TNIP1: variants seen among roughly 807,000 people sequenced by gnomAD.
TNIP1 encodes the protein TNFAIP3-interacting protein 1.
In TNIP1, 22 loss-of-function variants were observed where a neutral mutation model predicts 86.6. The ratio of observed to expected loss-of-function variants is 0.25; its 90% CI spans 0.18 to 0.36. The LOEUF is 0.36. Ranked by LOEUF, TNIP1 falls within the 10% of genes least tolerant of loss-of-function variation. The pLI, the probability that TNIP1 is intolerant of heterozygous loss-of-function variation, is 1.00. For missense variants in TNIP1, 709 were observed against 820.6 expected (o/e 0.86, Z 1.66); for synonymous variants, 294 against 313.0 (o/e 0.94, Z 0.64).
At chr5:151,058,915 C>T (rs568829358) in intron 5 of TNIP1, among the ~76,000 whole-genome samples, 22 of 152,210 alleles carry the variant, frequency 1.4e-4, no homozygotes, top group Non-Finnish European at 3.1e-4. Flanking sequence ...TGACTATAAC[C>T]CCAACTTGGC....
chr5:151,044,647 A>G (rs372736593), intron 9 of TNIP1, among the ~76,000 whole-genome samples: 108 of 152,362 alleles, frequency 7.1e-4, no homozygotes, highest in African/African-American at 2.5e-3. Context: ...AGGCAGGCTC[A>G]GGGTTCTAGA....
intron 1 of TNIP1, among the ~76,000 whole-genome samples, chr5:151,069,786 G>A (rs1161692096): frequency 6.6e-6 from 1 of 152,168 alleles, no homozygotes; most frequent in African/African-American, 2.4e-5. Flanking sequence ...CTACTCTGCT[G>A]TGTATGGAAC....
At chr5:151,060,190 C>T (rs1761368865) in intron 5 of TNIP1, 128 bp downstream of exon 5, 4 of 915,790 alleles carry the variant, frequency 4.4e-6, no homozygotes, top group South Asian at 2.9e-5. Flanking sequence ...TCCTGCCCCT[C>T]GTGTATCCCC....
intron 2 of TNIP1, 28 bp downstream of exon 2, chr5:151,064,932 C>A (rs1199275440): frequency 6.2e-7 from 1 of 1,613,396 alleles, no homozygotes; most frequent in South Asian, 1.1e-5. Context: ...GAGGGGCGCT[C>A]GCAGGGAGGG....
chr5:151,082,579 C>G (rs10463313), upstream of TNIP1, among the ~76,000 whole-genome samples: 5,808 of 152,238 alleles, frequency 0.038, 268 homozygotes, highest in East Asian at 0.15. Flanking sequence ...ACCCTCTACC[C>G]ACTGAAAACT....
chr5:151,073,376 C>T (rs925021984), intron 1 of TNIP1, among the ~76,000 whole-genome samples: 3 of 152,092 alleles, frequency 2.0e-5, no homozygotes, highest in Admixed American at 6.6e-5. Flanking sequence ...CTGCCACATG[C>T]TTTGTAATAG....
At chr5:151,062,281 G>A (rs1276413510) in intron 3 of TNIP1, 69 bp from the exon 4 acceptor site, 1 of 1,396,752 alleles carries the variant, frequency 7.2e-7, no homozygotes, top group African/African-American at 1.4e-5. Flanking sequence ...CCCTCTCAAG[G>A]ACAGCCCTTG....
intron 16 of TNIP1, among the ~76,000 whole-genome samples, chr5:151,033,127 C>A (rs1235191637): frequency 2.5e-3 from 194 of 78,712 alleles, no homozygotes; most frequent in Middle Eastern, 0.011. Flanking sequence ...AATTCCATCT[C>A]AAAAAAAAAA....
At chr5:151,050,205 C>T (rs1199837889) in intron 7 of TNIP1, among the ~76,000 whole-genome samples, 1 of 152,208 alleles carries the variant, frequency 6.6e-6, no homozygotes. Context: ...CGGATATATC[C>T]AAACACTGCA....
chr5:151,067,101 G>A (rs1762325001), intron 1 of TNIP1, among the ~76,000 whole-genome samples: 1 of 152,236 alleles, frequency 6.6e-6, no homozygotes, highest in Non-Finnish European at 1.5e-5. Flanking sequence ...GCAAAGGACA[G>A]CTACCCACAC....
intron 15 of TNIP1, among the ~76,000 whole-genome samples, chr5:151,034,257 TACATGGGC>T (rs1284028488): frequency 8.4e-6 from 1 of 118,708 alleles, no homozygotes; most frequent in Non-Finnish European, 1.7e-5. Flanking sequence ...GGAAAGCTAG[TACATGGGC>T]ACAGAAGGCT....
In TNIP1 at chr5:151,030,008, G is replaced by A; in HGVS notation, c.*705C>T. ...GCAAATAGCTATCCAGGGATGGACA[G>A]CCACCCTAATCTGGGCTTCTGGCAC... On this transcript the variant is annotated 3_prime_UTR_variant, in exon 18 of 18. Coordinates refer to ENST00000521591, the MANE Select transcript of TNIP1 (RefSeq NM_006058.5). 1 of 452,790 alleles carries A rather than the reference G, an allele frequency of 2.2e-6. No individual in the cohort carries two copies. The highest frequency in any genetic ancestry group is 2.4e-5 in the Admixed American group (1 of 42,454). The allele number at this position is 452,790 out of a possible 1,614,324, so 28.0% of individuals were successfully genotyped here. A position where few individuals can be genotyped will look rare whatever the true frequency, so the allele number is the denominator to read the frequency against.
chr5:151,067,282 G>A (rs1233410021), intron 1 of TNIP1, among the ~76,000 whole-genome samples: 1 of 152,286 alleles, frequency 6.6e-6, no homozygotes, highest in East Asian at 1.9e-4. Context: ...AATGTTGGCA[G>A]ACATTGGGGG....
At chr5:151,041,619 G>A (rs905854548) in intron 11 of TNIP1, among the ~76,000 whole-genome samples, 1 of 152,104 alleles carries the variant, frequency 6.6e-6, no homozygotes, top group Non-Finnish European at 1.5e-5. Flanking sequence ...CTCCCACCTC[G>A]GCATCCCAAA....
At chr5:151,060,472 A>C (rs540350920) in intron 4 of TNIP1, 77 bp from the exon 5 acceptor site, 23 of 1,299,426 alleles carry the variant, frequency 1.8e-5, no homozygotes, top group Non-Finnish European at 2.4e-5. Flanking sequence ...GGCTGAGAGC[A>C]GCAAGGGGGA....
chr5:151,082,928 C>T (rs1764130804), upstream of TNIP1, among the ~76,000 whole-genome samples: 1 of 152,212 alleles, frequency 6.6e-6, no homozygotes, highest in African/African-American at 2.4e-5. Context: ...AGATAACAAA[C>T]CCCTATTTGA....
intron 13 of TNIP1, among the ~76,000 whole-genome samples, chr5:151,036,095 G>C (rs1405664586): frequency 6.6e-6 from 1 of 152,178 alleles, no homozygotes; most frequent in African/African-American, 2.4e-5. Flanking sequence ...AACTCCGCTA[G>C]GGCTCCAGGG....
intron 3 of TNIP1, 63 bp from the exon 4 acceptor site, chr5:151,062,275 C>T: frequency 6.8e-7 from 1 of 1,467,212 alleles, no homozygotes; most frequent in Non-Finnish European, 9.5e-7. Context: ...GTACCACCCT[C>T]TCAAGGACAG....
At chr5:151,061,220 C>T (rs991947370) in intron 4 of TNIP1, among the ~76,000 whole-genome samples, 1 of 152,178 alleles carries the variant, frequency 6.6e-6, no homozygotes, top group East Asian at 1.9e-4. Context: ...TCTGCAGCCT[C>T]CCTTCATCCC....
Sources: allele counts gnomAD v4.1 joint callset (sites outside exome capture counted in the v4.1 genomes callset), GRCh38; gene constraint gnomAD v4.1.1; transcripts MANE v1.5; gene names NCBI Gene and HGNC (gene_info 2026-07-23, HGNC 2026-07-21).